Variants in GALNT13 observed in about 807,000 individuals in gnomAD.
GALNT13 encodes UDP-GalNAc:polypeptide N-acetylgalactosaminyltransferase 13.
In GALNT13, 28 loss-of-function variants were observed where a neutral mutation model predicts 64.2. That is an observed-to-expected ratio of 0.44 (90% confidence interval 0.32 to 0.60). The LOEUF is 0.60. Among genes scored for constraint, GALNT13 ranks in the 20% least tolerant of loss-of-function variants. The pLI is 0.05. For synonymous variants in GALNT13, 214 were observed against 224.6 expected (o/e 0.95, Z 0.42); for missense variants, 577 against 669.8 (o/e 0.86, Z 1.53).
chr2:153,486,836 G>A, the GALNT13 span, among the ~76,000 whole-genome samples: 1 of 152,170 alleles, frequency 6.6e-6, no homozygotes, highest in Non-Finnish European at 1.5e-5. Flanking sequence ...AAGTCTGCAT[G>A]ATTTAGACTT....
the GALNT13 span, among the ~76,000 whole-genome samples, chr2:153,598,619 T>A: frequency 6.6e-6 from 1 of 152,102 alleles, no homozygotes; most frequent in Non-Finnish European, 1.5e-5. Flanking sequence ...CTACAGCTCC[T>A]GCAACAGTGC....
chr2:153,853,991 G>T, the GALNT13 span, among the ~76,000 whole-genome samples: 1 of 151,620 alleles, frequency 6.6e-6, no homozygotes, highest in South Asian at 2.1e-4. Context: ...CAGCCCATAG[G>T]TATATACATA....
At chr2:153,823,272 A>G in the GALNT13 span, among the ~76,000 whole-genome samples, 16 of 152,296 alleles carry the variant, frequency 1.1e-4, no homozygotes, top group South Asian at 3.3e-3. Flanking sequence ...TAGAAAACAT[A>G]TTCAAAAATT....
chr2:154,136,422 T>G (rs1682952681), intron 3 of GALNT13, among the ~76,000 whole-genome samples: 1 of 152,134 alleles, frequency 6.6e-6, no homozygotes, highest in Non-Finnish European at 1.5e-5. Context: ...TTCCTAGATA[T>G]AGACTAGTTC....
At chr2:154,400,164 GC>G (rs2105371325) in intron 10 of GALNT13, among the ~76,000 whole-genome samples, 1 of 152,232 alleles carries the variant, frequency 6.6e-6, no homozygotes, top group South Asian at 2.1e-4. Context: ...ATTTTCTAAA[GC>G]TTTTTCCTTC....
chr2:154,312,436 G>C (rs1694098815), intron 9 of GALNT13, among the ~76,000 whole-genome samples: 1 of 151,932 alleles, frequency 6.6e-6, no homozygotes. Context: ...CGTATGCTTT[G>C]TTCATTTTGC....
At chr2:153,602,274 T>A in the GALNT13 span, among the ~76,000 whole-genome samples, 1,041 of 151,980 alleles carry the variant, frequency 6.8e-3, 8 homozygotes, top group African/African-American at 0.023. Context: ...AGGCACTAAG[T>A]TTGTAGTGAG....
At chr2:153,999,503 A>T (rs921375313) in intron 3 of GALNT13, among the ~76,000 whole-genome samples, 2 of 152,028 alleles carry the variant, frequency 1.3e-5, no homozygotes, top group African/African-American at 2.4e-5. Context: ...TGCCTAATTC[A>T]TTGAGAATTT....
chr2:153,080,000 TC>T, the GALNT13 span, among the ~76,000 whole-genome samples: 3 of 152,176 alleles, frequency 2.0e-5, no homozygotes, highest in Admixed American at 6.6e-5. Context: ...TGTATTTTTT[TC>T]CTGTAAAATA....
intron 4 of GALNT13, among the ~76,000 whole-genome samples, chr2:154,148,431 G>A (rs1210942412): frequency 1.3e-5 from 2 of 152,172 alleles, no homozygotes; most frequent in South Asian, 2.1e-4. Flanking sequence ...AGTCCTTTGG[G>A]TATATAACCA....
At chr2:154,318,743 G>A (rs1384251751) in intron 9 of GALNT13, among the ~76,000 whole-genome samples, 1 of 150,602 alleles carries the variant, frequency 6.6e-6, no homozygotes, top group Non-Finnish European at 1.5e-5. Flanking sequence ...AAAAAAAATC[G>A]TTAGATTAAA....
At chr2:153,161,669 C>G in the GALNT13 span, among the ~76,000 whole-genome samples, 60 of 151,904 alleles carry the variant, frequency 3.9e-4, no homozygotes, top group African/African-American at 1.4e-3. Flanking sequence ...GAGAGAAAAT[C>G]ATGAAGAAAG....
chr2:153,656,278 C>A, the GALNT13 span, among the ~76,000 whole-genome samples: 1 of 150,514 alleles, frequency 6.6e-6, no homozygotes, highest in African/African-American at 2.4e-5. Context: ...ATTGTGATTG[C>A]TTTGTTATAT....
intron 3 of GALNT13, among the ~76,000 whole-genome samples, chr2:154,066,545 A>G (rs990449777): frequency 8.5e-5 from 13 of 152,128 alleles, no homozygotes; most frequent in African/African-American, 3.1e-4. Flanking sequence ...TTTTCAGTGG[A>G]AACCCTACAG....
the GALNT13 span, among the ~76,000 whole-genome samples, chr2:153,778,109 C>CATGCCAGTGTGCTCCT: frequency 1.3e-5 from 2 of 152,176 alleles, no homozygotes; most frequent in Non-Finnish European, 2.9e-5. Context: ...GGCCTGCTGG[C>CATGCCAGTGTGCTCCT]ATGCCAGTGT....
the GALNT13 span, among the ~76,000 whole-genome samples, chr2:153,805,688 T>C: frequency 1.3e-5 from 2 of 152,192 alleles, no homozygotes; most frequent in Admixed American, 1.3e-4. Flanking sequence ...GTAAAAATAG[T>C]TTTGAGAGTT....
the GALNT13 span, chr2:153,158,827 G>A: frequency 6.6e-6 from 1 of 152,206 alleles, no homozygotes; most frequent in Admixed American, 6.5e-5. Context: ...GTTAAATTGA[G>A]CTGAGACAGA....
At chr2:153,581,588 G>A in the GALNT13 span, among the ~76,000 whole-genome samples, 1 of 151,994 alleles carries the variant, frequency 6.6e-6, no homozygotes, top group Non-Finnish European at 1.5e-5. Flanking sequence ...TTATCCTGTA[G>A]TACTCATAAG....
At chr2:154,026,815 C>A (rs888984826) in intron 3 of GALNT13, among the ~76,000 whole-genome samples, 1 of 152,132 alleles carries the variant, frequency 6.6e-6, no homozygotes, top group Non-Finnish European at 1.5e-5. Flanking sequence ...TCCATAACAG[C>A]TAGACATCAG....
Sources: gnomAD v4.1 joint callset for allele counts (sites outside exome capture counted in the v4.1 genomes callset) on GRCh38, gnomAD v4.1.1 for gene constraint, MANE v1.5 for transcripts, NCBI Gene and HGNC (gene_info 2026-07-23, HGNC 2026-07-21) for gene names.